The following MUC22 variants were observed in gnomAD, a reference collection of about 807,000 sequenced individuals.
The protein encoded by MUC22 is mucin 22.
In MUC22, 24 loss-of-function variants were observed where a neutral mutation model predicts 40.3. The ratio of observed to expected loss-of-function variants is 0.60; its 90% CI spans 0.43 to 0.84. The LOEUF (loss-of-function observed/expected upper bound fraction) is 0.84, where lower values mean the gene tolerates loss of function less well. MUC22 is among the 40% of genes least tolerant of loss of function. The pLI is 0.00. For synonymous variants in MUC22, 765 were observed against 844.5 expected (o/e 0.91, Z 1.63); for missense variants, 1,926 against 2,130.7 (o/e 0.90, Z 1.89).
chr6:31,021,910 C>G (rs939859561), intron 1 of MUC22, among the ~76,000 whole-genome samples: 4 of 152,096 alleles, frequency 2.6e-5, no homozygotes, highest in African/African-American at 7.2e-5. Flanking sequence ...CTACTGCTCA[C>G]TTTTTGGGTC....
intron 1 of MUC22, among the ~76,000 whole-genome samples, chr6:31,016,941 C>T (rs9348846): frequency 4.1e-4 from 63 of 152,294 alleles, no homozygotes; most frequent in Non-Finnish European, 7.9e-4. Flanking sequence ...GAACTTAGCA[C>T]CCGGGCCAGC....
chr6:31,013,416 C>T (rs776236693), intron 1 of MUC22, among the ~76,000 whole-genome samples: 3 of 151,192 alleles, frequency 2.0e-5, no homozygotes, highest in Non-Finnish European at 3.0e-5. Context: ...TGTGAGCTAC[C>T]GGGCCTGGCC....
At chr6:31,024,575 C>T (rs368515292) in intron 1 of MUC22, among the ~76,000 whole-genome samples, 41 of 152,114 alleles carry the variant, frequency 2.7e-4, no homozygotes, top group African/African-American at 8.9e-4. Flanking sequence ...TGAGTATACC[C>T]CTGTCAGCAA....
chr6:31,022,483 C>A (rs1226942322), intron 1 of MUC22, among the ~76,000 whole-genome samples: 1 of 151,580 alleles, frequency 6.6e-6, no homozygotes, highest in Admixed American at 6.6e-5. Context: ...TGTAAAAGTT[C>A]TTCAGGAAGA....
chr6:31,020,834 G>A (rs934610939), intron 1 of MUC22, among the ~76,000 whole-genome samples: 5 of 152,238 alleles, frequency 3.3e-5, no homozygotes, highest in African/African-American at 4.8e-5. Context: ...GGGCCCTGCA[G>A]GCCCCGGGCA....
Position 31,027,234 on chromosome 6 carries a change from A to G in MUC22, c.1803A>G (p.Thr601=), listed in dbSNP as rs1562607211. ...CTGAGACCACCACAGTCTCTACCAC[A>G]GGCTCTGAGACCACCACAGCCTCCA... Residue 601 remains threonine (T), a synonymous_variant, in exon 2 of 4, where the codon ACA becomes ACG. Coordinates refer to ENST00000561890, the Ensembl canonical transcript of MUC22. 7 of 1,502,184 alleles carry G rather than the reference A, an allele frequency of 4.7e-6. 2 individuals carry two copies. The South Asian group carries it at 8.5e-5, about 18-fold the overall frequency. 93.1% of individuals were successfully genotyped at this position (1,502,184 alleles called of 1,614,324 possible).
chr6:31,019,591 C>T (rs939177182), intron 1 of MUC22, among the ~76,000 whole-genome samples: 23 of 152,180 alleles, frequency 1.5e-4, no homozygotes, highest in African/African-American at 5.3e-4. Context: ...CGGTGGCTCA[C>T]GCCTGTAATC....
At chr6:31,010,891 ATTTTTTT>A (rs3084544) in intron 1 of MUC22, 115 bp downstream of exon 1, 47 of 548,722 alleles carry the variant, frequency 8.6e-5, no homozygotes, top group South Asian at 2.2e-4. Flanking sequence ...ATGATGATTC[ATTTTTTT>A]TTTTTTTTTT....
intron 1 of MUC22, among the ~76,000 whole-genome samples, chr6:31,022,460 A>G (rs960434009): frequency 6.6e-6 from 1 of 151,466 alleles, no homozygotes; most frequent in Non-Finnish European, 1.5e-5. Context: ...CAAGACTGAC[A>G]TTTTTTTTTA....
In MUC22 at chr6:31,028,388, C is replaced by G. The variant is rs1031144297; in HGVS notation, c.2957C>G (p.Thr986Arg). ...TCCATCACAGGCTCTGAGACCACCA[C>G]AGCCTCTACTGAAGGCTCCGAGACC... Residue 986 changes from threonine to arginine, a missense_variant, in exon 2 of 4, where the codon ACA becomes AGA. By Grantham distance (71) the Thr-to-Arg change is moderately conservative. Coordinates refer to ENST00000561890, the Ensembl canonical transcript of MUC22. 3.7e-5 allele frequency: 56 copies of G among 1,508,122 alleles called. No homozygotes were observed. The African/African-American group carries it at 6.2e-4, about 17-fold the overall frequency. 93.4% of individuals were successfully genotyped at this position (1,508,122 alleles called of 1,614,324 possible). A position where few individuals can be genotyped will look rare whatever the true frequency, so the allele number is the denominator to read the frequency against.
At chr6:31,025,450 T>G in intron 1 of MUC22, 52 bp from the exon 2 acceptor site, 1 of 1,446,190 alleles carries the variant, frequency 6.9e-7, no homozygotes, top group Non-Finnish European at 9.0e-7. Context: ...ATACTAAACC[T>G]GCAAATTCAT....
chr6:31,022,283 G>A (rs999635456), intron 1 of MUC22, among the ~76,000 whole-genome samples: 5 of 152,036 alleles, frequency 3.3e-5, no homozygotes, highest in African/African-American at 9.7e-5. Flanking sequence ...TCAGCTTCTC[G>A]AGTAGCTGGG....
At chr6:31,028,189 A>C (rs1233713201) in exon 2 of MUC22, 2 of 1,534,570 alleles carry the variant, frequency 1.3e-6, no homozygotes, top group Non-Finnish European at 1.7e-6. Context: ...CATCACCTCT[A>C]CTGAAGGCTC....
At chr6:31,034,698 T>C (rs997574312) in exon 4 of MUC22, 2 of 1,535,430 alleles carry the variant, frequency 1.3e-6, no homozygotes, top group Non-Finnish European at 1.7e-6. Flanking sequence ...CCCTGAGATA[T>C]TGTGGTATTT....
chr6:31,019,610 T>C (rs1185384058), intron 1 of MUC22, among the ~76,000 whole-genome samples: 1 of 152,118 alleles, frequency 6.6e-6, no homozygotes, highest in Non-Finnish European at 1.5e-5. Flanking sequence ...TCCTAGCACT[T>C]TGGGAGGCTG....
intron 1 of MUC22, among the ~76,000 whole-genome samples, chr6:31,018,293 GAC>G: frequency 1.3e-5 from 2 of 152,358 alleles, no homozygotes; most frequent in South Asian, 4.1e-4. Context: ...GGAGCTGAGA[GAC>G]AGTTCCTAGC....
chr6:31,025,186 A>G (rs953867762), intron 1 of MUC22, among the ~76,000 whole-genome samples: 1 of 152,136 alleles, frequency 6.6e-6, no homozygotes, highest in African/African-American at 2.4e-5. Context: ...CTCAGTTCAT[A>G]TGTCAGTTCC....
chr6:31,028,243 T>C, exon 2 of MUC22: 1 of 1,533,494 alleles, frequency 6.5e-7, no homozygotes, highest in Non-Finnish European at 8.7e-7. Context: ...GACCACAGTC[T>C]CTACTGAAGG....
intron 1 of MUC22, among the ~76,000 whole-genome samples, chr6:31,014,417 C>A (rs937695195): frequency 1.2e-4 from 18 of 151,926 alleles, no homozygotes; most frequent in Non-Finnish European, 2.2e-4. Flanking sequence ...CCAACCAGTA[C>A]TGGTTGCTTG....
Sources: gnomAD v4.1 joint callset for allele counts (sites outside exome capture counted in the v4.1 genomes callset) on GRCh38, gnomAD v4.1.1 for gene constraint, MANE v1.5 for transcripts, NCBI Gene and HGNC (gene_info 2026-07-23, HGNC 2026-07-21) for gene names.